Variants in LRMDA observed in about 807,000 individuals in gnomAD.
The protein encoded by LRMDA is leucine-rich melanocyte differentiation-associated protein.
A neutral mutation model predicts 29.8 loss-of-function variants in LRMDA; 18 were observed. That is an observed-to-expected ratio of 0.60 (90% CI 0.42 to 0.90). The LOEUF (loss-of-function observed/expected upper bound fraction) is 0.90. Ranked by LOEUF, LRMDA falls within the 40% of genes least tolerant of loss-of-function variation. LRMDA has a pLI of 0.00. For synonymous variants in LRMDA, 125 were observed against 109.4 expected, an observed-to-expected ratio of 1.14 and a Z score of -0.89; for missense variants, 273 against 273.9, an observed-to-expected ratio of 1.00 and a Z score of 0.02.
At chr10:75,757,585 T>TG (rs953179775) in intron 2 of LRMDA, among the ~76,000 whole-genome samples, 5 of 152,272 alleles carry the variant, frequency 3.3e-5, no homozygotes, top group Admixed American at 3.3e-4. Flanking sequence ...GCATGTGTCT[T>TG]GACCACTTTT....
intron 5 of LRMDA, among the ~76,000 whole-genome samples, chr10:76,317,694 C>T (rs996910828): frequency 6.6e-6 from 1 of 152,156 alleles, no homozygotes; most frequent in African/African-American, 2.4e-5. Context: ...CTGTCTTAGC[C>T]TACCAAGTAA....
chr10:75,927,995 T>C (rs1846147121), intron 2 of LRMDA, among the ~76,000 whole-genome samples: 1 of 152,198 alleles, frequency 6.6e-6, no homozygotes, highest in Non-Finnish European at 1.5e-5. Context: ...TGTAAAGCAG[T>C]TGGCACAGCA....
chr10:75,750,566 G>A (rs1365683389), intron 2 of LRMDA, among the ~76,000 whole-genome samples: 28 of 148,590 alleles, frequency 1.9e-4, no homozygotes, highest in African/African-American at 5.7e-4. Context: ...GAGGACGGGC[G>A]GCCAGGCAGA....
At chr10:76,194,689 A>G (rs996242888) in intron 5 of LRMDA, among the ~76,000 whole-genome samples, 7 of 152,196 alleles carry the variant, frequency 4.6e-5, no homozygotes, top group African/African-American at 1.4e-4. Context: ...TGCTCTAGCT[A>G]CCATATCAAC....
intron 6 of LRMDA, chr10:76,403,482 C>G (rs1235597572): frequency 1.3e-5 from 2 of 152,026 alleles, no homozygotes; most frequent in African/African-American, 4.8e-5. Flanking sequence ...CCAGGAAACC[C>G]CTCAGGGCCA....
chr10:76,240,496 G>A (rs1852253693), intron 5 of LRMDA, among the ~76,000 whole-genome samples: 1 of 146,336 alleles, frequency 6.8e-6, no homozygotes, highest in South Asian at 2.1e-4. Flanking sequence ...TGGCATGGAT[G>A]TGGTGAAAAG....
chr10:76,081,851 G>A (rs1849054167), intron 5 of LRMDA, among the ~76,000 whole-genome samples: 1 of 152,120 alleles, frequency 6.6e-6, no homozygotes, highest in Non-Finnish European at 1.5e-5. Flanking sequence ...TGCATGTTAT[G>A]TAATACATAT....
chr10:75,817,243 A>G (rs554403249), intron 2 of LRMDA, among the ~76,000 whole-genome samples: 2 of 152,210 alleles, frequency 1.3e-5, no homozygotes, highest in African/African-American at 2.4e-5. Flanking sequence ...AAGGGATCCA[A>G]TTGGACCCAT....
Position 75,997,194 on chromosome 10 carries a change from C to T in LRMDA, c.132-38814C>T, listed in dbSNP as rs547818431. On this transcript the variant is annotated intron_variant, in intron 2 of 6. Transcript: ENST00000611255. ...TAAAACCTTCTGGAATATATCCCCC[C>T]GACACACATACTCCTTTCTGTATGT... is the stretch of plus-strand genomic sequence containing the variant. 3.2e-3 allele frequency among the ~76,000 whole-genome samples: 491 copies of T among 152,258 alleles called. 3 individuals are homozygous for T. Among genetic ancestry groups the T allele is most frequent in the Non-Finnish European group, 5.8e-3 (395 of 68,024 alleles).
intron 2 of LRMDA, among the ~76,000 whole-genome samples, chr10:76,030,415 ATGTC>A (rs1848130193): frequency 6.6e-6 from 1 of 152,204 alleles, no homozygotes; most frequent in Non-Finnish European, 1.5e-5. Flanking sequence ...TTACGTATCT[ATGTC>A]TGTCTTTATC....
At chr10:76,171,404 G>C (rs541254043) in intron 5 of LRMDA, among the ~76,000 whole-genome samples, 1 of 152,322 alleles carries the variant, frequency 6.6e-6, no homozygotes, top group South Asian at 2.1e-4. Context: ...CTCCCAAAGT[G>C]CTGGGATTAC....
chr10:75,543,612 C>T (rs540351056), intron 2 of LRMDA, among the ~76,000 whole-genome samples: 5 of 152,224 alleles, frequency 3.3e-5, no homozygotes, highest in Non-Finnish European at 7.4e-5. Context: ...ATTTGACTCT[C>T]TATGGGAACA....
At chr10:76,472,626 A>G (rs1842629259) in intron 6 of LRMDA, among the ~76,000 whole-genome samples, 1 of 151,562 alleles carries the variant, frequency 6.6e-6, no homozygotes, top group East Asian at 1.9e-4. Context: ...TAAAAGGATC[A>G]ACAAAAATGC....
chr10:76,034,959 T>C (rs541720478), intron 2 of LRMDA, among the ~76,000 whole-genome samples: 6 of 152,220 alleles, frequency 3.9e-5, no homozygotes, highest in Non-Finnish European at 7.4e-5. Context: ...CTTTAATTAA[T>C]GTCTGTGTGC....
At chr10:75,922,639 T>TA (rs1846045787) in intron 2 of LRMDA, among the ~76,000 whole-genome samples, 1 of 152,170 alleles carries the variant, frequency 6.6e-6, no homozygotes, top group South Asian at 2.1e-4. Flanking sequence ...TGCCCTCTAC[T>TA]TCCCACTGTG....
At chr10:76,523,265 T>C (rs2451911) in intron 6 of LRMDA, among the ~76,000 whole-genome samples, 66,620 of 151,926 alleles carry the variant, frequency 0.44, 14,746 homozygotes, top group Middle Eastern at 0.6. Flanking sequence ...CTCTTCCTTC[T>C]TTCCCTCCCC....
chr10:75,455,960 C>A (rs948308598), intron 2 of LRMDA, among the ~76,000 whole-genome samples: 1 of 152,294 alleles, frequency 6.6e-6, no homozygotes, highest in Non-Finnish European at 1.5e-5. Flanking sequence ...GGGTTGGAAT[C>A]CACAAGAGAA....
At chr10:76,511,518 C>T (rs1843009067) in intron 6 of LRMDA, among the ~76,000 whole-genome samples, 1 of 152,022 alleles carries the variant, frequency 6.6e-6, no homozygotes, top group Admixed American at 6.5e-5. Context: ...AGAACTAATA[C>T]ATGAGTTAGC....
intron 6 of LRMDA, among the ~76,000 whole-genome samples, chr10:76,336,724 T>C (rs903217078): frequency 3.9e-5 from 6 of 152,310 alleles, no homozygotes; most frequent in African/African-American, 1.4e-4. Context: ...CAGACATCTG[T>C]GTGAGAGCAA....
Sources: allele counts gnomAD v4.1 joint callset (sites outside exome capture counted in the v4.1 genomes callset), GRCh38; gene constraint gnomAD v4.1.1; transcripts MANE v1.5; gene names NCBI Gene and HGNC (gene_info 2026-07-23, HGNC 2026-07-21).